The following CSMD1 variants were observed in gnomAD, a reference collection of about 807,000 sequenced individuals.
CSMD1 encodes CUB and sushi domain-containing protein 1.
A neutral mutation model predicts 417.5 loss-of-function variants in CSMD1; 213 were observed. The ratio of observed to expected loss-of-function variants is 0.51; its 90% CI spans 0.46 to 0.57. The LOEUF (loss-of-function observed/expected upper bound fraction) is 0.57, where lower values mean the gene tolerates loss of function less well. Ranked by LOEUF, CSMD1 falls within the 20% of genes least tolerant of loss-of-function variation. The probability of loss-of-function intolerance (pLI) is 0.00; values close to 1 mark genes in which losing one functional copy is unlikely to be tolerated. For synonymous variants in CSMD1, 2,862 were observed against 1,736.8 expected, an observed-to-expected ratio of 1.65 and a Z score of -16.11; for missense variants, 6,923 against 4,529.7, an observed-to-expected ratio of 1.53 and a Z score of -15.17.
intron 2 of CSMD1, among the ~76,000 whole-genome samples, chr8:4,509,726 A>T (rs1425377279): frequency 6.6e-6 from 1 of 152,152 alleles, no homozygotes; most frequent in Non-Finnish European, 1.5e-5. Context: ...GCCTCATTCT[A>T]AGTTCTTTAC....
At chr8:4,113,630 T>TA in intron 3 of CSMD1, among the ~76,000 whole-genome samples, 1 of 152,070 alleles carries the variant, frequency 6.6e-6, no homozygotes, top group Non-Finnish European at 1.5e-5. Context: ...GGTCTTGAAC[T>TA]CCTGACCTCC....
chr8:4,702,645 T>C (rs1584966664), intron 1 of CSMD1, among the ~76,000 whole-genome samples: 1 of 151,160 alleles, frequency 6.6e-6, no homozygotes, highest in Non-Finnish European at 1.5e-5. Flanking sequence ...GAATCACAAA[T>C]AAACGTTTCC....
At chr8:3,691,061 T>A (rs1157939117) in intron 7 of CSMD1, among the ~76,000 whole-genome samples, 2 of 151,966 alleles carry the variant, frequency 1.3e-5, no homozygotes, top group African/African-American at 2.4e-5. Context: ...CATGGCGACA[T>A]CCTCTAGCAA....
At chr8:3,548,648 G>C (rs920094041) in intron 10 of CSMD1, among the ~76,000 whole-genome samples, 1 of 132,884 alleles carries the variant, frequency 7.5e-6, no homozygotes, top group Non-Finnish European at 1.6e-5. Flanking sequence ...CGGCTGAGTG[G>C]TATTCCATCA....
intron 3 of CSMD1, among the ~76,000 whole-genome samples, chr8:4,082,081 T>A (rs984730614): frequency 2.6e-5 from 4 of 152,030 alleles, no homozygotes; most frequent in African/African-American, 9.7e-5. Context: ...TGATGAAGAT[T>A]ACTGAGACTT....
At chr8:3,775,714 G>A (rs574965322) in intron 5 of CSMD1, among the ~76,000 whole-genome samples, 12 of 152,294 alleles carry the variant, frequency 7.9e-5, no homozygotes, top group East Asian at 3.9e-4. Flanking sequence ...AATGATGCAC[G>A]CAAACACACA....
intron 1 of CSMD1, among the ~76,000 whole-genome samples, chr8:4,771,513 A>C (rs1282328672): frequency 6.6e-6 from 1 of 152,218 alleles, no homozygotes; most frequent in Admixed American, 6.5e-5. Context: ...TTACTGATTC[A>C]TTTAGAAGTT....
chr8:4,087,910 G>C (rs922273070), intron 3 of CSMD1, among the ~76,000 whole-genome samples: 4 of 152,078 alleles, frequency 2.6e-5, no homozygotes, highest in African/African-American at 9.7e-5. Flanking sequence ...AAAAAAGGAT[G>C]CCTGAGGTCA....
intron 41 of CSMD1, among the ~76,000 whole-genome samples, chr8:3,119,700 G>T (rs1218644720): frequency 6.6e-6 from 1 of 152,172 alleles, no homozygotes; most frequent in Non-Finnish European, 1.5e-5. Flanking sequence ...GCCCTCTCTA[G>T]CATCTTTGAA....
intron 12 of CSMD1, among the ~76,000 whole-genome samples, chr8:3,453,140 A>G (rs1433920648): frequency 2.6e-5 from 4 of 152,030 alleles, no homozygotes; most frequent in African/African-American, 4.8e-5. Context: ...GGTAGTTTGT[A>G]TTTCCATGGG....
rs182410314 is a variant in CSMD1 at position 4,091,865 on chromosome 8, A to C, written c.416-59766T>G. Among the ~76,000 whole-genome samples, 34 of 152,308 alleles carry C rather than the reference A, an allele frequency of 2.2e-4. No individual in the cohort carries two copies. The East Asian group carries it at 6.2e-3, about 28-fold the overall frequency. On this transcript the variant is annotated intron_variant, in intron 3 of 69. Coordinates refer to ENST00000635120, the MANE Select transcript of CSMD1 (RefSeq NM_033225.6). ...ATGGAGAAACAACAGAATTTTAACAAAATTAGACTCCGCATTGTAAGAACC... is the reference window on the plus strand; with the variant it reads ...ATGGAGAAACAACAGAATTTTAACACAATTAGACTCCGCATTGTAAGAACC...
chr8:3,588,291 A>G lies in CSMD1; in HGVS notation c.1098-2031T>C, dbSNP rs148727765. 3.2e-3 allele frequency among the ~76,000 whole-genome samples: 487 copies of G among 150,410 alleles called. 4 individuals are homozygous for G. The highest frequency in any genetic ancestry group is 0.011 in the African/African-American group (468 of 40,780). On this transcript the variant is annotated intron_variant, in intron 8 of 69. Coordinates refer to ENST00000635120, the MANE Select transcript of CSMD1 (RefSeq NM_033225.6). ...TCATATAGATAACATAATAGTTAAG[A>G]AAGAAAAAAATAACCAAACCAAACA...
At chr8:3,733,553 G>C (rs868315840) in intron 6 of CSMD1, among the ~76,000 whole-genome samples, 21 of 152,110 alleles carry the variant, frequency 1.4e-4, no homozygotes, top group Admixed American at 2.6e-4. Context: ...CAACTCTTAA[G>C]TTGTAAGTTG....
At chr8:4,640,716 T>C (rs1359124241) in intron 1 of CSMD1, among the ~76,000 whole-genome samples, 3 of 152,150 alleles carry the variant, frequency 2.0e-5, no homozygotes, top group African/African-American at 7.2e-5. Context: ...TATTTCAACA[T>C]GTTGTTTAAC....
At chr8:4,354,394 T>C (rs1350300468) in intron 3 of CSMD1, among the ~76,000 whole-genome samples, 2 of 152,188 alleles carry the variant, frequency 1.3e-5, no homozygotes, top group Non-Finnish European at 2.9e-5. Context: ...ACTATTAAAA[T>C]ACACCGTTCC....
At chr8:4,470,488 G>C (rs899086868) in intron 2 of CSMD1, among the ~76,000 whole-genome samples, 1 of 152,156 alleles carries the variant, frequency 6.6e-6, no homozygotes, top group Admixed American at 6.5e-5. Context: ...TTAACTGGAA[G>C]GATAAGTGCA....
chr8:3,672,913 C>A (rs1186214118), intron 7 of CSMD1, among the ~76,000 whole-genome samples: 1 of 152,168 alleles, frequency 6.6e-6, no homozygotes, highest in Non-Finnish European at 1.5e-5. Context: ...TCTTAAAAAG[C>A]CTTTTCCAAG....
chr8:3,210,170 G>A (rs118029793), intron 30 of CSMD1, among the ~76,000 whole-genome samples: 26 of 152,220 alleles, frequency 1.7e-4, no homozygotes, highest in Non-Finnish European at 3.4e-4. Context: ...CACAGGCGCT[G>A]GTTCATGCAC....
rs184716044 is a variant in CSMD1 at position 4,100,950 on chromosome 8, T to C, written c.416-68851A>G. ...TGGAAATGCTAAGAACCCAGAGTAT[T>C]GTCTGTAATCACTCCATCAGCACAA... On this transcript the variant is annotated intron_variant, in intron 3 of 69. Coordinates refer to ENST00000635120, the MANE Select transcript of CSMD1 (RefSeq NM_033225.6). Among the ~76,000 whole-genome samples the C allele has an allele frequency of 5.2e-3, 790 of 152,284 alleles. 6 individuals carry two copies. The highest frequency in any genetic ancestry group is 0.018 in the African/African-American group (755 of 41,546).
Sources: gnomAD v4.1 joint callset for allele counts (sites outside exome capture counted in the v4.1 genomes callset) on GRCh38, gnomAD v4.1.1 for gene constraint, MANE v1.5 for transcripts, NCBI Gene and HGNC (gene_info 2026-07-23, HGNC 2026-07-21) for gene names.